STPG2: variants seen among roughly 807,000 people sequenced by gnomAD.
STPG2 encodes sperm tail PG-rich repeat containing 2.
In STPG2, 56 loss-of-function variants were observed where a neutral mutation model predicts 54.2. The observed-to-expected ratio is 1.03, with a 90% CI of 0.83 to 1.29. The LOEUF is 1.29. Among genes scored for constraint, STPG2 ranks in the 50% most tolerant of loss-of-function variants. The pLI is 0.00. For synonymous variants in STPG2, 200 were observed against 181.8 expected, an observed-to-expected ratio of 1.10 and a Z score of -0.81; for missense variants, 596 against 544.9, an observed-to-expected ratio of 1.09 and a Z score of -0.93.
chr4:97,969,264 G>A (rs1356059508), intron 7 of STPG2, among the ~76,000 whole-genome samples: 2 of 152,160 alleles, frequency 1.3e-5, no homozygotes, highest in African/African-American at 2.4e-5. Flanking sequence ...TCTGTTTTAA[G>A]GCTGTTAGGA....
chr4:97,473,462 T>A (rs1729993836), intron 4 of STPG2, among the ~76,000 whole-genome samples: 1 of 152,152 alleles, frequency 6.6e-6, no homozygotes, highest in Non-Finnish European at 1.5e-5. Flanking sequence ...CCAGGCTTAT[T>A]AGGATGAGGA....
At chr4:97,943,872 T>C (rs953848803) in intron 8 of STPG2, 25 bp downstream of exon 8, 2 of 1,448,064 alleles carry the variant, frequency 1.4e-6, no homozygotes, top group African/African-American at 2.9e-5. Flanking sequence ...ATAATGAAAA[T>C]ATTTGATTGT....
At chr4:97,940,362 A>G (rs1732930503) in intron 8 of STPG2, among the ~76,000 whole-genome samples, 1 of 152,228 alleles carries the variant, frequency 6.6e-6, no homozygotes, top group Non-Finnish European at 1.5e-5. Context: ...AAATTGGGAA[A>G]GTAGTCATGG....
At chr4:97,968,215 G>C (rs1734188164) in intron 7 of STPG2, among the ~76,000 whole-genome samples, 1 of 151,838 alleles carries the variant, frequency 6.6e-6, no homozygotes, top group African/African-American at 2.4e-5. Context: ...ACTACCATCA[G>C]AGAATACTAT....
chr4:97,863,432 C>A lies in STPG2; in HGVS notation c.1045-22500G>T, dbSNP rs190767146. Among the ~76,000 whole-genome samples, 8 of 152,156 alleles carry A rather than the reference C, an allele frequency of 5.3e-5. No homozygotes were observed. In the East Asian group the frequency reaches 1.4e-3, roughly 26 times the overall value. Reference sequence around the variant, plus strand: ...AATCTCTGAATAGACCAATAACAGGCTCTGAAATTGATGCAATAATTAATA... The same window carrying A: ...AATCTCTGAATAGACCAATAACAGGATCTGAAATTGATGCAATAATTAATA... On this transcript the variant is annotated intron_variant, in intron 8 of 10. Transcript: ENST00000295268.
intron 10 of STPG2, among the ~76,000 whole-genome samples, chr4:97,596,411 C>G (rs558010855): frequency 3.3e-4 from 50 of 152,118 alleles, no homozygotes; most frequent in African/African-American, 1.2e-3. Context: ...CTTGACCAAG[C>G]TACCTAACAG....
At chr4:97,820,816 A>G (rs1296475575) in intron 9 of STPG2, among the ~76,000 whole-genome samples, 1 of 152,036 alleles carries the variant, frequency 6.6e-6, no homozygotes, top group Non-Finnish European at 1.5e-5. Flanking sequence ...AAAAAACCAG[A>G]TCTCATGAGA....
At chr4:97,553,717 G>A (rs1732017859) in intron 4 of STPG2, among the ~76,000 whole-genome samples, 1 of 152,186 alleles carries the variant, frequency 6.6e-6, no homozygotes, top group Non-Finnish European at 1.5e-5. Flanking sequence ...AACTTGGTAA[G>A]ACTATTTTGT....
intron 9 of STPG2, among the ~76,000 whole-genome samples, chr4:97,832,946 T>C (rs772504923): frequency 4.6e-5 from 7 of 152,176 alleles, no homozygotes; most frequent in Non-Finnish European, 8.8e-5. Flanking sequence ...CAAAGTAATT[T>C]ATAGATTCCA....
chr4:97,784,039 C>T (rs534257112), intron 9 of STPG2, among the ~76,000 whole-genome samples: 1 of 146,456 alleles, frequency 6.8e-6, no homozygotes, highest in South Asian at 2.2e-4. Context: ...GCACGTTGTA[C>T]ACATGTACCC....
At chr4:97,805,446 A>G (rs763294323) in intron 9 of STPG2, among the ~76,000 whole-genome samples, 28 of 152,238 alleles carry the variant, frequency 1.8e-4, no homozygotes, top group Non-Finnish European at 4.0e-4. Flanking sequence ...TCTGACTCCA[A>G]GTGATCTGCC....
At chr4:97,539,235 G>C (rs536636077) in intron 4 of STPG2, among the ~76,000 whole-genome samples, 10 of 152,156 alleles carry the variant, frequency 6.6e-5, no homozygotes, top group African/African-American at 1.9e-4. Context: ...CCAATTAAAA[G>C]ACACAGACTG....
intron 8 of STPG2, among the ~76,000 whole-genome samples, chr4:97,885,775 G>A (rs547999008): frequency 3.3e-5 from 5 of 152,192 alleles, no homozygotes; most frequent in East Asian, 1.9e-4. Flanking sequence ...GTTGGTATAC[G>A]CAGGAGGCCC....
intron 4 of STPG2, among the ~76,000 whole-genome samples, chr4:97,481,958 T>C (rs1730231925): frequency 1.3e-5 from 2 of 151,668 alleles, no homozygotes; most frequent in South Asian, 2.1e-4. Context: ...CATCAACAAA[T>C]ACATTGATCT....
intron 8 of STPG2, among the ~76,000 whole-genome samples, chr4:97,919,335 AT>A (rs1252639553): frequency 1.3e-5 from 2 of 151,352 alleles, no homozygotes; most frequent in African/African-American, 2.4e-5. Flanking sequence ...AAAAGAAAAA[AT>A]ATAAAGAAAT....
chr4:97,448,363 GA>G (rs1729279792), intron 4 of STPG2, among the ~76,000 whole-genome samples: 1 of 152,104 alleles, frequency 6.6e-6, no homozygotes, highest in Non-Finnish European at 1.5e-5. Flanking sequence ...AGGGTCCAGG[GA>G]CAGAATGATA....
At chr4:97,998,263 C>A (rs1421986742) in intron 5 of STPG2, among the ~76,000 whole-genome samples, 1 of 152,102 alleles carries the variant, frequency 6.6e-6, no homozygotes, top group East Asian at 1.9e-4. Flanking sequence ...CCTTAACATG[C>A]ATATGTTCCA....
At chr4:97,632,485 TA>T (rs1422687473) in intron 10 of STPG2, among the ~76,000 whole-genome samples, 1 of 152,130 alleles carries the variant, frequency 6.6e-6, no homozygotes, top group Admixed American at 6.5e-5. Flanking sequence ...TAATACCTAA[TA>T]ATGACTTTAT....
In STPG2 at chr4:97,669,658, C is replaced by T. The variant is rs1205574814; in HGVS notation, c.1320+43041G>A. On this transcript the variant is annotated intron_variant, in intron 10 of 10. Coordinates refer to ENST00000295268, the MANE Select transcript of STPG2 (RefSeq NM_174952.3). ...AAAAATACAAAAAATTAGCCGGGCG[C>T]GGTGGCGGGCGCCTGTAGTCCCAGC... 1.7e-4 allele frequency among the ~76,000 whole-genome samples: 14 copies of T among 84,174 alleles called. 5 individuals are homozygous for T. In the East Asian group the frequency reaches 4.2e-3, roughly 25 times the overall value. The allele number at this position is 84,174 out of a possible 152,430, so 55.2% of individuals were successfully genotyped here.
Sources: gnomAD v4.1 joint callset for allele counts (sites outside exome capture counted in the v4.1 genomes callset) on GRCh38, gnomAD v4.1.1 for gene constraint, MANE v1.5 for transcripts, NCBI Gene and HGNC (gene_info 2026-07-23, HGNC 2026-07-21) for gene names.